TF: variants seen among roughly 807,000 people sequenced by gnomAD.
The protein encoded by TF is transferrin, also known as serotransferrin.
TF carries 55 observed loss-of-function variants against 82.4 expected under a neutral mutation model. The observed-to-expected ratio is 0.67, with a 90% CI of 0.54 to 0.84. The LOEUF is 0.84. Ranked by LOEUF, TF falls within the 40% of genes least tolerant of loss-of-function variation. The pLI is 0.00. For synonymous variants in TF, 332 were observed against 332.6 expected, an observed-to-expected ratio of 1.00 and a Z score of 0.02; for missense variants, 737 against 868.4, an observed-to-expected ratio of 0.85 and a Z score of 1.90.
the TF span, among the ~76,000 whole-genome samples, chr3:133,690,574 A>G: frequency 0.5 from 75,748 of 152,014 alleles, 19,432 homozygotes; most frequent in African/African-American, 0.62. Flanking sequence ...GATGTGCATA[A>G]ATTTTCATCT....
At chr3:133,662,489 G>T in the TF span, 1 of 152,350 alleles carries the variant, frequency 6.6e-6, no homozygotes, top group Non-Finnish European at 1.5e-5. Context: ...AGGGAAGAAA[G>T]GATGACTTAT....
Position 133,788,777 on chromosome 3 carries a change from G to A in TF, c.*10157G>A, listed in dbSNP as rs1281386264. ...TCTGGTTGTGGTCCCTGATTCCTAT[G>A]TGTGGCGCAGCTCAGGGCAAACTTG... On this transcript the variant is annotated 3_prime_UTR_variant, in exon 17 of 17. Transcript: ENST00000402696. 6.6e-6 allele frequency: 1 copy of A among 152,254 alleles called. No individual in the cohort carries two copies. 9.4% of individuals were successfully genotyped at this position (152,254 alleles called of 1,614,324 possible). A position where few individuals can be genotyped will look rare whatever the true frequency, so the allele number is the denominator to read the frequency against.
upstream of TF, among the ~76,000 whole-genome samples, chr3:133,742,656 C>T (rs899299994): frequency 6.6e-6 from 1 of 152,086 alleles, no homozygotes; most frequent in African/African-American, 2.4e-5. Context: ...TCAAGGATGA[C>T]CCAGACTTAG....
intron 3 of TF, 27 bp downstream of exon 3, chr3:133,753,730 G>A: frequency 6.3e-7 from 1 of 1,575,712 alleles, no homozygotes; most frequent in South Asian, 1.1e-5. Context: ...ACCCCAGGAA[G>A]GAGTTGTCAT....
the TF span, among the ~76,000 whole-genome samples, chr3:133,683,453 C>T: frequency 6.6e-6 from 1 of 152,046 alleles, no homozygotes; most frequent in Non-Finnish European, 1.5e-5. Flanking sequence ...ATTCAGAAGA[C>T]CCATCTCACA....
At chr3:133,732,680 G>C in the TF span, among the ~76,000 whole-genome samples, 1 of 152,168 alleles carries the variant, frequency 6.6e-6, no homozygotes, top group Non-Finnish European at 1.5e-5. Flanking sequence ...CAGCACACCA[G>C]AAGGAAAAAA....
chr3:133,745,747 A>G (rs1479593598), upstream of TF, among the ~76,000 whole-genome samples: 2 of 152,136 alleles, frequency 1.3e-5, no homozygotes, highest in African/African-American at 2.4e-5. Context: ...TCCCTAGTCT[A>G]AGGTGTCCCA....
Position 133,788,986 on chromosome 3 carries a change from T to C in TF, c.*10366T>C, listed in dbSNP as rs1047801047. On this transcript the variant is annotated 3_prime_UTR_variant, in exon 17 of 17. Coordinates refer to ENST00000402696, the MANE Select transcript of TF (RefSeq NM_001063.4). ...TATAAGGATGCTAAACGCCAGTGAT[T>C]ACACCCAGGAACCAAAGGACAGCTC... 7 of 152,268 alleles carry C rather than the reference T, an allele frequency of 4.6e-5. No homozygotes were observed. The highest frequency in any genetic ancestry group is 9.6e-5 in the African/African-American group (4 of 41,464). 9.4% of individuals were successfully genotyped at this position (152,268 alleles called of 1,614,324 possible). A position where few individuals can be genotyped will look rare whatever the true frequency, so the allele number is the denominator to read the frequency against.
At chr3:133,747,660 C>A (rs1334504973) in intron 1 of TF, among the ~76,000 whole-genome samples, 1 of 151,994 alleles carries the variant, frequency 6.6e-6, no homozygotes. Context: ...TGAATGGCAG[C>A]CAAAAAGTGT....
At chr3:133,716,174 C>T in the TF span, among the ~76,000 whole-genome samples, 1 of 152,162 alleles carries the variant, frequency 6.6e-6, no homozygotes, top group Non-Finnish European at 1.5e-5. Flanking sequence ...CTCTCTGCTG[C>T]CCATTCTCTT....
chr3:133,774,115 C>A (rs1260215704), intron 14 of TF: 1 of 152,134 alleles, frequency 6.6e-6, no homozygotes, highest in African/African-American at 2.4e-5. Flanking sequence ...TTATCCCTGC[C>A]CTGAATTTTT....
intron 14 of TF, 59 bp downstream of exon 14, chr3:133,770,631 C>T (rs1934237360): frequency 2.6e-6 from 4 of 1,555,868 alleles, no homozygotes; most frequent in Non-Finnish European, 3.5e-6. Flanking sequence ...CTGGTATTCA[C>T]TTGTATTCAG....
Position 133,794,226 on chromosome 3 carries a change from C to G in TF, c.*15606C>G, listed in dbSNP as rs1183331227. The G allele has an allele frequency of 6.6e-6, 1 of 152,096 alleles. No individual in the cohort carries two copies. Among genetic ancestry groups the G allele is most frequent in the Non-Finnish European group, 1.5e-5 (1 of 68,012 alleles). 9.4% of individuals were successfully genotyped at this position (152,096 alleles called of 1,614,324 possible). A position where few individuals can be genotyped will look rare whatever the true frequency, so the allele number is the denominator to read the frequency against. ...AGTAAAATTTCTGCATTACATGACT[C>G]GTCACGGAAAAGATAAAATGATCCA... On this transcript the variant is annotated 3_prime_UTR_variant, in exon 17 of 17. Transcript: ENST00000402696.
chr3:133,662,051 G>C, the TF span: 1 of 152,306 alleles, frequency 6.6e-6, no homozygotes, highest in Non-Finnish European at 1.5e-5. Context: ...GTCTGTGGGC[G>C]GTGGGGCTTC....
chr3:133,668,430 A>G, the TF span, among the ~76,000 whole-genome samples: 3 of 152,112 alleles, frequency 2.0e-5, no homozygotes, highest in Non-Finnish European at 4.4e-5. Flanking sequence ...TCTAATCAGA[A>G]CCCCCAATCG....
chr3:133,756,738 G>A, intron 6 of TF, 93 bp from the exon 7 acceptor site: 2 of 1,515,298 alleles, frequency 1.3e-6, no homozygotes, highest in South Asian at 2.3e-5. Flanking sequence ...AGACCTCTCA[G>A]CTCATACTTT....
the TF span, chr3:133,699,979 C>A: frequency 1.7e-5 from 3 of 180,098 alleles, no homozygotes; most frequent in Admixed American, 1.7e-4. Context: ...TGTGATCCTG[C>A]CCTCCTGACA....
the TF span, among the ~76,000 whole-genome samples, chr3:133,698,154 G>T: frequency 3.9e-5 from 6 of 152,218 alleles, no homozygotes; most frequent in Non-Finnish European, 5.9e-5. Flanking sequence ...CTGTGATCAA[G>T]GCTCTTGAGC....
the TF span, among the ~76,000 whole-genome samples, chr3:133,683,494 G>T: frequency 6.6e-6 from 1 of 152,042 alleles, no homozygotes; most frequent in Non-Finnish European, 1.5e-5. Context: ...TAAAATAAAG[G>T]GCTGGAGGAA....
Sources: allele counts gnomAD v4.1 joint callset (sites outside exome capture counted in the v4.1 genomes callset), GRCh38; gene constraint gnomAD v4.1.1; transcripts MANE v1.5; gene names NCBI Gene and HGNC (gene_info 2026-07-23, HGNC 2026-07-21).